The following KNL1 variants were observed in gnomAD, a reference collection of about 807,000 sequenced individuals.
KNL1 encodes the protein outer kinetochore KNL1 complex subunit KNL1.
In KNL1, 66 loss-of-function variants were observed where a neutral mutation model predicts 201.3. That is an observed-to-expected ratio of 0.33 (90% CI 0.27 to 0.40). The LOEUF (loss-of-function observed/expected upper bound fraction) is 0.40, where lower values mean the gene tolerates loss of function less well. Among genes scored for constraint, KNL1 ranks in the 10% least tolerant of loss-of-function variants. The probability of loss-of-function intolerance (pLI) is 1.00; values close to 1 mark genes in which losing one functional copy is unlikely to be tolerated. For missense variants in KNL1, 2,815 were observed against 2,690.5 expected (o/e 1.05, Z -1.02); for synonymous variants, 895 against 899.2 (o/e 1.00, Z 0.08).
chr15:40,601,569 C>T (rs188237231), intron 1 of KNL1, among the ~76,000 whole-genome samples: 111 of 152,138 alleles, frequency 7.3e-4, no homozygotes, highest in Non-Finnish European at 1.3e-3. Context: ...GGGTGGCTCA[C>T]GCCTGTAATC....
At chr15:40,620,497 A>G (rs1892482132) in intron 9 of KNL1, 143 bp from the exon 10 acceptor site, 7 of 464,130 alleles carry the variant, frequency 1.5e-5, no homozygotes, top group Non-Finnish European at 2.6e-5. Flanking sequence ...GACAAATTAT[A>G]TGCAACATGC....
In KNL1 at chr15:40,623,354, A is replaced by G. The variant is rs1366242266; in HGVS notation, c.3090A>G (p.Val1030=). ...EWSNNRGPVE[V]ADNMELSKSA... The stretch of plus-strand genomic sequence containing the variant: ...CTAATAATAGGGGCCCTGTAGAGGT[A>G]GCTGATAACATGGAATTGTCTAAAT... The change falls in exon 10 of 26, where the codon GTA becomes GTG. Residue 1030 remains valine, a synonymous_variant. Coordinates refer to ENST00000399668, the MANE Select transcript of KNL1 (RefSeq NM_144508.5). 1 of 1,613,892 alleles carries G rather than the reference A, an allele frequency of 6.2e-7. No individual in the cohort carries two copies. Among genetic ancestry groups the G allele is most frequent in the Non-Finnish European group, 8.5e-7 (1 of 1,179,906 alleles).
Position 40,623,970 on chromosome 15 carries a change from G to T in KNL1, c.3706G>T (p.Ala1236Ser), listed in dbSNP as rs775377691. 1.9e-6 allele frequency: 3 copies of T among 1,613,522 alleles called. No individual in the cohort carries two copies. The African/African-American group carries it at 4.0e-5, about 22-fold the overall frequency. ...CGAGCAAAAGCAACAACTCTTTGCT[G>T]CTACTAATAGAACTACTAATGAAAT... is the stretch of plus-strand genomic sequence containing the variant. Reference protein sequence around the residue: ...HTEQKQQLFAATNRTTNEIIK... With the variant: ...HTEQKQQLFASTNRTTNEIIK... Residue 1236 changes from alanine to serine, a missense_variant, in exon 10 of 26, where the codon GCT becomes TCT. This residue lies in a region of KNL1 where 2,464 missense variants were observed against 2,291.7 expected (regional missense o/e 1.08). Transcript: ENST00000399668.
Position 40,646,993 on chromosome 15 carries a change from A to T in KNL1, c.6013A>T (p.Arg2005Trp). ...GKLVQSAQNE[R>W]EKLQIKIDEM... ...TATAATCTTTTGTATTTAGAATGAG[A>T]GGGAGAAACTTCAAATAAAGATAGA... Residue 2005 changes from arginine (R) to tryptophan (W), a missense_variant, in exon 17 of 26, where the codon AGG becomes TGG. Physicochemically the swap from Arg to Trp is moderately radical, Grantham distance 101 (BLOSUM62 -3). Transcript: ENST00000399668. 7.3e-7 allele frequency: 1 copy of T among 1,372,978 alleles called. No homozygotes were observed. Among genetic ancestry groups the T allele is most frequent in the Non-Finnish European group, 1.0e-6 (1 of 961,702 alleles). The allele number at this position is 1,372,978 out of a possible 1,614,324, so 85.0% of individuals were successfully genotyped here.
intron 14 of KNL1, among the ~76,000 whole-genome samples, chr15:40,641,914 A>G (rs1368044388): frequency 6.6e-6 from 1 of 152,254 alleles, no homozygotes; most frequent in Non-Finnish European, 1.5e-5. Flanking sequence ...AGACTGATTT[A>G]CAAATTAGAT....
rs2141727259 is a variant in KNL1, at chr15:40,625,408, A to G, written c.5144A>G (p.Asn1715Ser). The G allele has an allele frequency of 4.3e-6, 7 of 1,613,800 alleles. No homozygotes were observed. The highest frequency in any genetic ancestry group is 5.9e-6 in the Non-Finnish European group (7 of 1,179,890). The change falls in exon 10 of 26, where the codon AAT becomes AGT. Residue 1715 changes from asparagine to serine, a missense_variant. Physicochemically the swap from Asn to Ser is conservative, Grantham distance 46 (BLOSUM62 1). This residue lies in a region of KNL1 where 2,464 missense variants were observed against 2,291.7 expected (regional missense o/e 1.08). Coordinates refer to ENST00000399668, the MANE Select transcript of KNL1 (RefSeq NM_144508.5). ...CCTTCTCAATATATAAATGAGGAAA[A>G]TCTTCCTGTATATCCTGATGAGATC... The part of the protein sequence containing the change: ...LSPSQYINEE[N>S]LPVYPDEINS...
chr15:40,654,249 T>G (rs549694616), intron 21 of KNL1, among the ~76,000 whole-genome samples: 1 of 152,294 alleles, frequency 6.6e-6, no homozygotes, highest in African/African-American at 2.4e-5. Flanking sequence ...CATAACTCAT[T>G]TTTACTGTAT....
intron 24 of KNL1, among the ~76,000 whole-genome samples, chr15:40,658,939 A>AG (rs1893822004): frequency 6.8e-6 from 1 of 148,100 alleles, no homozygotes; most frequent in Non-Finnish European, 1.5e-5. Context: ...CAAAAAAAAA[A>AG]AAAGAAAAAG....
intron 21 of KNL1, 21 bp downstream of exon 21, chr15:40,652,126 A>C (rs1163122698): frequency 6.6e-7 from 1 of 1,515,564 alleles, no homozygotes; most frequent in Admixed American, 1.7e-5. Context: ...AAAGTGAGAT[A>C]ATTCTTTTAC....
chr15:40,652,614 A>G (rs1048949627), intron 21 of KNL1, among the ~76,000 whole-genome samples: 1 of 151,848 alleles, frequency 6.6e-6, no homozygotes, highest in Non-Finnish European at 1.5e-5. Flanking sequence ...TACTAAAACT[A>G]CAAAAAATGA....
In KNL1 at chr15:40,623,891, A is replaced by G. The variant is rs760443353; in HGVS notation, c.3627A>G (p.Gln1209=). ...TTCCTAAGGATAATAGCTGTGTTCA[A>G]GAAATCGCTGAAAAACAAGCACTGG... is the stretch of plus-strand genomic sequence containing the variant. ...VSFPKDNSCV[Q]EIAEKQALAV... The change falls in exon 10 of 26, where the codon CAA becomes CAG. Residue 1209 remains glutamine, a synonymous_variant. Transcript: ENST00000399668. The G allele has an allele frequency of 1.2e-6, 2 of 1,613,584 alleles. No individual in the cohort carries two copies. The highest frequency in any genetic ancestry group is 1.3e-5 in the African/African-American group (1 of 75,058).
At position 40,623,444 on chromosome 15, in the gene KNL1, C is replaced by G. The variant is rs771959363; in HGVS notation, c.3180C>G (p.Ser1060Arg). ...GATTTCTGAATGAACCTCTATCAAGCAAAAGTCAGAGAAGAAAAAGCCTTA... is the reference window on the plus strand; with the variant it reads ...GATTTCTGAATGAACCTCTATCAAGGAAAAGTCAGAGAAGAAAAAGCCTTA... ...SPGFLNEPLS[S>R]KSQRRKSLKL... is the part of the protein sequence containing the mutation. Residue 1060 changes from serine (S) to arginine (R), a missense_variant, in exon 10 of 26, where the codon AGC becomes AGG. Transcript: ENST00000399668. 1 of 1,611,788 alleles carries G rather than the reference C, an allele frequency of 6.2e-7. No homozygotes were observed. The highest frequency in any genetic ancestry group is 8.5e-7 in the Non-Finnish European group (1 of 1,179,424).
At position 40,645,687 on chromosome 15, in the gene KNL1, T is replaced by C; in HGVS notation, c.5921T>C (p.Ile1974Thr). 1 of 1,608,324 alleles carries C rather than the reference T, an allele frequency of 6.2e-7. No homozygotes were observed. The highest frequency in any genetic ancestry group is 1.7e-5 in the Admixed American group (1 of 58,394). ...GCCTTTGGAATTTATCTTAACAAAATAAAGTCATGTTTTACCAAGATGACT... is the reference window on the plus strand; with the variant it reads ...GCCTTTGGAATTTATCTTAACAAAACAAAGTCATGTTTTACCAAGATGACT... ...LKAFGIYLNK[I>T]KSCFTKMTKV... is the part of the protein sequence containing the mutation. Residue 1974 changes from isoleucine to threonine, a missense_variant, in exon 16 of 26, where the codon ATA becomes ACA. This residue lies in a region of KNL1 where 17 missense variants were observed against 36.2 expected (regional missense o/e 0.47). Coordinates refer to ENST00000399668, the MANE Select transcript of KNL1 (RefSeq NM_144508.5).
At position 40,623,319 on chromosome 15, in the gene KNL1, G is replaced by A; in HGVS notation, c.3055G>A (p.Glu1019Lys). 6.2e-7 allele frequency: 1 copy of A among 1,613,880 alleles called. No individual in the cohort carries two copies. The highest frequency in any genetic ancestry group is 8.5e-7 in the Non-Finnish European group (1 of 1,179,882). ...VANDSQLTPL[E>K]EWSNNRGPVE... The stretch of plus-strand genomic sequence containing the variant: ...AAATGACAGCCAGCTAACCCCTCTG[G>A]AGGAATGGTCTAATAATAGGGGCCC... The change falls in exon 10 of 26, where the codon GAG becomes AAG. Residue 1019 changes from glutamate to lysine, a missense_variant. By Grantham distance (56) the Glu-to-Lys change is moderately conservative (BLOSUM62 1). Around this residue, in one of 3 missense-constraint regions of KNL1, gnomAD observed 2,464 missense variants for 2,291.7 expected, o/e 1.08. Coordinates refer to ENST00000399668, the MANE Select transcript of KNL1 (RefSeq NM_144508.5).
chr15:40,653,732 A>G (rs1316241086), intron 21 of KNL1, among the ~76,000 whole-genome samples: 3 of 152,038 alleles, frequency 2.0e-5, no homozygotes, highest in Non-Finnish European at 4.4e-5. Context: ...TCCTTTTCCT[A>G]TCTCATACTA....
chr15:40,628,771 A>C lies in KNL1; in HGVS notation c.5583+93A>C. On this transcript the variant is annotated intron_variant, in intron 12 of 25. Coordinates refer to ENST00000399668, the MANE Select transcript of KNL1 (RefSeq NM_144508.5). ...ACACGTAATATTCTTGGTTTAAAAA[A>C]TTTTTTTTAATTACGAAATATTTCA... 4.2e-6 allele frequency: 3 copies of C among 709,136 alleles called. No homozygotes were observed. The South Asian group carries it at 6.7e-5, about 16-fold the overall frequency. The allele number at this position is 709,136 out of a possible 1,614,324, so 43.9% of individuals were successfully genotyped here. A position where few individuals can be genotyped will look rare whatever the true frequency, so the allele number is the denominator to read the frequency against.
chr15:40,645,594 A>G lies in KNL1; in HGVS notation c.5890-62A>G, dbSNP rs1567019274. The G allele has an allele frequency of 3.6e-6, 3 of 824,452 alleles. No homozygotes were observed. In the Admixed American group the frequency reaches 7.8e-5, roughly 22 times the overall value. The allele number at this position is 824,452 out of a possible 1,614,324, so 51.1% of individuals were successfully genotyped here. A position where few individuals can be genotyped will look rare whatever the true frequency, so the allele number is the denominator to read the frequency against. On this transcript the variant is annotated intron_variant, in intron 15 of 25. Coordinates refer to ENST00000399668, the MANE Select transcript of KNL1 (RefSeq NM_144508.5). ...GATAGGCAAAGCCTAGCCTTCCTAG[A>G]CCATTTACCTCTTCTGACTCGTTTG...
In KNL1 at chr15:40,625,235, G is replaced by C. The variant is rs1339540635; in HGVS notation, c.4971G>C (p.Leu1657Phe). 6.2e-7 allele frequency: 1 copy of C among 1,613,888 alleles called. No individual in the cohort carries two copies. Among genetic ancestry groups the C allele is most frequent in the Non-Finnish European group, 8.5e-7 (1 of 1,179,920 alleles). ...RCSLGIFLPR[L>F]PNKRNCSVTG... ...CTTTGGGAATCTTTTTGCCTAGATT[G>C]CCCAACAAGAGAAATTGTAGTGTCA... The change falls in exon 10 of 26, where the codon TTG (leucine) becomes TTC (phenylalanine). Residue 1657 changes from leucine (L) to phenylalanine (F), a missense_variant. Physicochemically the swap from Leu to Phe is conservative, Grantham distance 22. Around this residue, in one of 3 missense-constraint regions of KNL1, gnomAD observed 2,464 missense variants for 2,291.7 expected, o/e 1.08. Transcript: ENST00000399668.
At chr15:40,629,184 A>C (rs1416751190) in intron 12 of KNL1, 89 bp from the exon 13 acceptor site, 1 of 683,318 alleles carries the variant, frequency 1.5e-6, no homozygotes, top group Non-Finnish European at 2.5e-6. Flanking sequence ...TGTATACAAG[A>C]TACCTTAAGC....
Sources: allele counts gnomAD v4.1 joint callset (sites outside exome capture counted in the v4.1 genomes callset), GRCh38; gene constraint gnomAD v4.1.1; regional missense constraint gnomAD v4.1.1; transcripts MANE v1.5; gene names NCBI Gene and HGNC (gene_info 2026-07-23, HGNC 2026-07-21).